TBXAS1: variants seen among roughly 807,000 people sequenced by gnomAD.
TBXAS1 encodes the protein thromboxane A synthase 1.
A neutral mutation model predicts 60.7 loss-of-function variants in TBXAS1; 48 were observed. The ratio of observed to expected loss-of-function variants is 0.79; its 90% CI spans 0.63 to 1.01. The LOEUF (loss-of-function observed/expected upper bound fraction) is 1.01. TBXAS1 is among the 50% of genes least tolerant of loss of function. The pLI is 0.00. For missense variants in TBXAS1, 685 were observed against 686.3 expected (o/e 1.00, Z 0.02); for synonymous variants, 287 against 269.7 (o/e 1.06, Z -0.63).
intron 12 of TBXAS1, among the ~76,000 whole-genome samples, chr7:140,019,778 G>A (rs1815404500): frequency 6.6e-6 from 1 of 152,234 alleles, no homozygotes; most frequent in Non-Finnish European, 1.5e-5. Context: ...ACAGCATGAA[G>A]CTGCTTTCCC....
Position 139,961,964 on chromosome 7 carries a change from G to T in TBXAS1, c.865G>T (p.Ala289Ser), listed in dbSNP as rs1256548510. 6.2e-7 allele frequency: 1 copy of T among 1,614,198 alleles called. No homozygotes were observed. The highest frequency in any genetic ancestry group is 8.5e-7 in the Non-Finnish European group (1 of 1,180,040). Residue 289 changes from alanine to serine, a missense_variant, in exon 9 of 13, where the codon GCA becomes TCA. Ala to Ser is a moderately conservative substitution (Grantham distance 99). Coordinates refer to ENST00000448866, the MANE Select transcript of TBXAS1 (RefSeq NM_001061.7). ...AATGGTCCTGGATGCCCGACATTCT[G>T]CAAGTCCCATGGGCGTGCAAGACTT... The part of the protein sequence containing the change: ...LQMVLDARHS[A>S]SPMGVQDFDI...
chr7:139,943,235 A>G (rs1282703078), intron 5 of TBXAS1, among the ~76,000 whole-genome samples: 1 of 152,256 alleles, frequency 6.6e-6, no homozygotes, highest in East Asian at 1.9e-4. Context: ...GGCTGTAGTC[A>G]TCAATACTTC....
intron 9 of TBXAS1, among the ~76,000 whole-genome samples, chr7:139,971,134 CCTT>C (rs944908591): frequency 4.6e-5 from 7 of 152,182 alleles, no homozygotes; most frequent in African/African-American, 1.7e-4. Context: ...CACCTCCTGT[CCTT>C]CTTTCTGGAA....
Position 139,778,411 on chromosome 7 carries a change from AAG to A in TBXAS1, c.-373_-372del, listed in dbSNP as rs1441169404. The A allele has an allele frequency of 1.3e-5, 2 of 153,120 alleles. No individual in the cohort carries two copies. Among genetic ancestry groups the A allele is most frequent in the East Asian group, 3.9e-4 (2 of 5,158 alleles). The allele number at this position is 153,120 out of a possible 1,614,324, so 9.5% of individuals were successfully genotyped here. ...GCTGGCGGGGAGGGAACCGACCCGA[AAG>A]AGAGCCCCACGCTGGCAAAGTGGCT... On this transcript the variant is annotated 5_prime_UTR_variant, in exon 1 of 17. Coordinates refer to the TBXAS1 transcript ENST00000336425. This position sits in a 1 kb window ranked among gnomAD's most constrained non-coding sequence, Gnocchi z 4.8.
intron 8 of TBXAS1, among the ~76,000 whole-genome samples, chr7:139,960,936 T>G (rs1429770540): frequency 6.6e-6 from 1 of 152,224 alleles, no homozygotes; most frequent in Non-Finnish European, 1.5e-5. Flanking sequence ...TGGAAATGTC[T>G]TGGTTGTCCT....
rs117526929 is a variant in TBXAS1, at chr7:139,896,027, C to T, written c.237-15198C>T. 0.013 allele frequency among the ~76,000 whole-genome samples: 2,022 copies of T among 152,292 alleles called. 35 individuals are homozygous for T. The highest frequency in any genetic ancestry group is 0.016 in the Non-Finnish European group (1,075 of 68,020). ...AAGTCTGGCTTCAGAGTTGAAAGCT[C>T]CTTCTGCCAGGAGGAGTAATAGGGA... On this transcript the variant is annotated intron_variant, in intron 3 of 12. Transcript: ENST00000448866. The surrounding 1 kb of genome is among the most constrained non-coding windows in gnomAD (Gnocchi z 4.0).
chr7:139,943,338 GAC>G (rs1808441839), intron 5 of TBXAS1, among the ~76,000 whole-genome samples: 1 of 152,130 alleles, frequency 6.6e-6, no homozygotes, highest in African/African-American at 2.4e-5. Flanking sequence ...ATTATCCTGA[GAC>G]ACAGTCGTGT....
At chr7:139,905,741 G>A (rs1569511581) in intron 3 of TBXAS1, among the ~76,000 whole-genome samples, 1 of 152,164 alleles carries the variant, frequency 6.6e-6, no homozygotes. Context: ...GAATCCAGAT[G>A]CAAGTCCTTA....
intron 9 of TBXAS1, among the ~76,000 whole-genome samples, chr7:139,982,465 C>T (rs559421246): frequency 1.6e-4 from 25 of 152,186 alleles, no homozygotes; most frequent in Admixed American, 5.2e-4. Context: ...GAAACTGAGG[C>T]AGGCAGCATG....
rs1801877472 is a variant in TBXAS1, at chr7:139,872,289, G to T, written c.144G>T (p.Lys48Asn). 6.2e-7 allele frequency: 1 copy of T among 1,614,084 alleles called. No homozygotes were observed. Among genetic ancestry groups the T allele is most frequent in the Non-Finnish European group, 8.5e-7 (1 of 1,179,962 alleles). ...RLEKLGLRHP[K>N]PSPFIGNLTF... The stretch of plus-strand genomic sequence containing the variant: ...AGAAGTTAGGCCTCAGACATCCCAA[G>T]CCTTCTCCTTTCATTGGAAACTTGA... The change falls in exon 2 of 13, where the codon AAG (lysine) becomes AAT (asparagine). Residue 48 changes from lysine to asparagine, a missense_variant. Coordinates refer to ENST00000448866, the MANE Select transcript of TBXAS1 (RefSeq NM_001061.7).
chr7:139,953,384 G>C lies in TBXAS1; in HGVS notation c.467G>C (p.Ser156Thr). 6.2e-7 allele frequency: 1 copy of C among 1,614,124 alleles called. No individual in the cohort carries two copies. The highest frequency in any genetic ancestry group is 8.5e-7 in the Non-Finnish European group (1 of 1,179,968). Residue 156 changes from serine (S) to threonine (T), a missense_variant, in exon 6 of 13, where the codon AGC (serine) becomes ACC (threonine). Transcript: ENST00000448866. ...EKLNEMVPLISQACDLLLAHL... is the reference protein window; with the variant it reads ...EKLNEMVPLITQACDLLLAHL... ...CATTATCAGATGGTTCCCCTCATCAGCCAAGCCTGCGACCTTCTCCTGGCT... is the reference window on the plus strand; with the variant it reads ...CATTATCAGATGGTTCCCCTCATCACCCAAGCCTGCGACCTTCTCCTGGCT...
chr7:139,805,885 G>A (rs1461827133), intron 4 of TBXAS1, among the ~76,000 whole-genome samples: 11 of 144,826 alleles, frequency 7.6e-5, no homozygotes, highest in Admixed American at 2.1e-4. Flanking sequence ...TCAGCCTCCC[G>A]AGTAGCTGGG....
intron 4 of TBXAS1, among the ~76,000 whole-genome samples, chr7:139,797,880 C>T (rs10487661): frequency 0.069 from 10,507 of 152,244 alleles, 643 homozygotes; most frequent in East Asian, 0.21. Context: ...TGATTCCATG[C>T]ATTACCTCCT....
intron 4 of TBXAS1, among the ~76,000 whole-genome samples, chr7:139,934,854 C>G (rs1462118604): frequency 6.6e-6 from 1 of 152,180 alleles, no homozygotes; most frequent in African/African-American, 2.4e-5. Context: ...GCTCTGTTGC[C>G]TAGGCTGGAG....
At chr7:139,779,889 C>A (rs190305710) in intron 1 of TBXAS1, among the ~76,000 whole-genome samples, 1 of 152,318 alleles carries the variant, frequency 6.6e-6, no homozygotes, top group African/African-American at 2.4e-5. Flanking sequence ...CCATCTCTGT[C>A]ACTGTGCCTT....
chr7:139,966,715 T>TG (rs34672482), intron 9 of TBXAS1, among the ~76,000 whole-genome samples: 1 of 152,244 alleles, frequency 6.6e-6, no homozygotes, highest in Non-Finnish European at 1.5e-5. Context: ...CTGGTCATTT[T>TG]GGGGGGCATT....
chr7:139,896,599 T>C lies in TBXAS1; in HGVS notation c.237-14626T>C, dbSNP rs1804115673. On this transcript the variant is annotated intron_variant, in intron 3 of 12. Coordinates refer to ENST00000448866, the MANE Select transcript of TBXAS1 (RefSeq NM_001061.7). The surrounding 1 kb of genome is among the most constrained non-coding windows in gnomAD (Gnocchi z 4.0). ...CTGTAGGAACTGCTTTCAGTTTATG[T>C]GTATTATTTCTTCAAATGTCCACTA... Among the ~76,000 whole-genome samples, 1 of 152,214 alleles carries C rather than the reference T, an allele frequency of 6.6e-6. No homozygotes were observed. The highest frequency in any genetic ancestry group is 2.1e-4 in the South Asian group (1 of 4,830).
chr7:139,958,679 T>A (rs1327816615), intron 8 of TBXAS1, among the ~76,000 whole-genome samples: 1 of 152,234 alleles, frequency 6.6e-6, no homozygotes, highest in East Asian at 1.9e-4. Flanking sequence ...CCGAGCGGCC[T>A]TGGGCAGCAG....
At chr7:139,911,103 CGTCT>C in intron 3 of TBXAS1, 118 bp from the exon 4 acceptor site, 1 of 831,662 alleles carries the variant, frequency 1.2e-6, no homozygotes, top group Non-Finnish European at 2.1e-6. Context: ...GTTTCCTCAT[CGTCT>C]CCATACCTTT....
Sources: gnomAD v4.1 joint callset for allele counts (sites outside exome capture counted in the v4.1 genomes callset) on GRCh38, gnomAD v4.1.1 for gene constraint, Gnocchi (gnomAD v3.1) non-coding constraint, MANE v1.5 for transcripts, NCBI Gene and HGNC (gene_info 2026-07-23, HGNC 2026-07-21) for gene names.